The following E2F7 variants were observed in gnomAD, a reference collection of about 807,000 sequenced individuals.
E2F7 encodes E2F transcription factor 7.
Under a neutral mutation model 81.1 loss-of-function variants are expected in E2F7, and 35 were observed. The ratio of observed to expected loss-of-function variants is 0.43; its 90% CI spans 0.33 to 0.57. The LOEUF (loss-of-function observed/expected upper bound fraction) is 0.57, where lower values mean the gene tolerates loss of function less well. Among genes scored for constraint, E2F7 ranks in the 20% least tolerant of loss-of-function variants. E2F7 has a pLI of 0.04. For synonymous variants in E2F7, 416 were observed against 416.2 expected (o/e 1.00, Z 0.01); for missense variants, 961 against 1,093.7 (o/e 0.88, Z 1.71).
At chr12:77,034,512 A>G (rs182282661) in intron 7 of E2F7, among the ~76,000 whole-genome samples, 32 of 152,310 alleles carry the variant, frequency 2.1e-4, no homozygotes, top group Admixed American at 2.0e-3. Flanking sequence ...GTGATGCTTT[A>G]TTATTTCTTT....
chr12:77,049,767 GAAAC>G (rs1021916475), intron 4 of E2F7, among the ~76,000 whole-genome samples: 1 of 152,158 alleles, frequency 6.6e-6, no homozygotes, highest in African/African-American at 2.4e-5. Flanking sequence ...ATAGAACTAA[GAAAC>G]AAACTAAAAA....
At chr12:77,032,857 T>C (rs1001123708) in intron 9 of E2F7, among the ~76,000 whole-genome samples, 193 bp downstream of exon 9, 1 of 152,214 alleles carries the variant, frequency 6.6e-6, no homozygotes, top group Non-Finnish European at 1.5e-5. Context: ...GCTTACAGGA[T>C]ACATTTTTCA....
At chr12:77,044,394 G>C (rs1314387657) in intron 6 of E2F7, 1 of 580,976 alleles carries the variant, frequency 1.7e-6, no homozygotes, top group Non-Finnish European at 3.1e-6. Flanking sequence ...GGAGTTCTCA[G>C]GATAGTGTTC....
At chr12:77,028,764 C>T (rs555956267) in intron 10 of E2F7, among the ~76,000 whole-genome samples, 1 of 152,290 alleles carries the variant, frequency 6.6e-6, no homozygotes, top group South Asian at 2.1e-4. Flanking sequence ...TAAGCCACCG[C>T]GCCCGGCTGG....
At chr12:77,063,316 G>A (rs991062434) in intron 2 of E2F7, among the ~76,000 whole-genome samples, 4 of 152,240 alleles carry the variant, frequency 2.6e-5, no homozygotes, top group East Asian at 1.9e-4. Flanking sequence ...AAAGAAAATC[G>A]TACGCCAAGG....
Position 77,064,652 on chromosome 12 carries a change from C to A in E2F7, c.1-17G>T. On this transcript the variant is annotated splice_polypyrimidine_tract_variant and intron_variant, in intron 1 of 12. Coordinates refer to ENST00000322886, the MANE Select transcript of E2F7 (RefSeq NM_203394.3). ...TACCTCCATCTGTAATGCACAATTACACTAGAAAATGATTTTGCAATTAGG... is the reference window on the plus strand; with the variant it reads ...TACCTCCATCTGTAATGCACAATTAAACTAGAAAATGATTTTGCAATTAGG... The A allele has an allele frequency of 6.2e-7, 1 of 1,604,312 alleles. No homozygotes were observed. Among genetic ancestry groups the A allele is most frequent in the Non-Finnish European group, 8.5e-7 (1 of 1,174,502 alleles).
chr12:77,065,091 C>A (rs2120774399), intron 1 of E2F7, among the ~76,000 whole-genome samples: 1 of 152,310 alleles, frequency 6.6e-6, no homozygotes, highest in East Asian at 1.9e-4. Flanking sequence ...CCTTCCCAGG[C>A]CTCCAAGCAG....
At chr12:77,052,224 G>A (rs1289031638) in intron 3 of E2F7, among the ~76,000 whole-genome samples, 35 of 152,114 alleles carry the variant, frequency 2.3e-4, no homozygotes, top group Admixed American at 2.2e-3. Flanking sequence ...TAGATTAAAT[G>A]CAATCTCAAT....
At chr12:77,062,767 T>C (rs1955088136) in intron 2 of E2F7, among the ~76,000 whole-genome samples, 1 of 152,122 alleles carries the variant, frequency 6.6e-6, no homozygotes, top group African/African-American at 2.4e-5. Flanking sequence ...TGTGTATTTT[T>C]TCAAGGCTGA....
rs754380581 is a variant in E2F7, at chr12:77,022,977, A to G, written c.*1038T>C. On this transcript the variant is annotated 3_prime_UTR_variant, in exon 13 of 13. Coordinates refer to ENST00000322886, the MANE Select transcript of E2F7 (RefSeq NM_203394.3). ...TCTGGACATGAAGTAGAAGAAAAAC[A>G]AAAGAATCATCTCTTGCCCTGTATC... 3 of 152,214 alleles carry G rather than the reference A, an allele frequency of 2.0e-5. No individual in the cohort carries two copies. Among genetic ancestry groups the G allele is most frequent in the African/African-American group, 4.8e-5 (2 of 41,458 alleles). 9.4% of individuals were successfully genotyped at this position (152,214 alleles called of 1,614,324 possible). A position where few individuals can be genotyped will look rare whatever the true frequency, so the allele number is the denominator to read the frequency against.
At chr12:77,047,336 G>A (rs935091931) in intron 4 of E2F7, among the ~76,000 whole-genome samples, 26 of 152,152 alleles carry the variant, frequency 1.7e-4, no homozygotes, top group African/African-American at 6.0e-4. Context: ...AACTGTAACT[G>A]TAGAGTCCCC....
In E2F7 at chr12:77,055,840, G is replaced by A. The variant is rs773765236; in HGVS notation, c.369+15C>T. 2 of 1,576,302 alleles carry A rather than the reference G, an allele frequency of 1.3e-6. No homozygotes were observed. Among genetic ancestry groups the A allele is most frequent in the Admixed American group, 3.9e-5 (2 of 51,830 alleles). Reference sequence around the variant, plus strand: ...TTAAGTTCTAAAAAATCCCTGAGGAGCACAGTCTGTTTACCTGTAGAGAAT... The same window carrying A: ...TTAAGTTCTAAAAAATCCCTGAGGAACACAGTCTGTTTACCTGTAGAGAAT... On this transcript the variant is annotated intron_variant, in intron 3 of 12. Coordinates refer to ENST00000322886, the MANE Select transcript of E2F7 (RefSeq NM_203394.3).
chr12:77,064,524 G>A lies in E2F7; in HGVS notation c.93+19C>T, dbSNP rs772025609. The stretch of plus-strand genomic sequence containing the variant: ...CCATCCTTAACATATTAGAAACTAA[G>A]GTGTTTATGTTTGCTTACCTTTTGT... On this transcript the variant is annotated intron_variant, in intron 2 of 12. Transcript: ENST00000322886. 17 of 1,600,914 alleles carry A rather than the reference G, an allele frequency of 1.1e-5. No individual in the cohort carries two copies. The highest frequency in any genetic ancestry group is 1.7e-5 in the Admixed American group (1 of 59,854).
chr12:77,059,774 C>T (rs968655641), intron 2 of E2F7, among the ~76,000 whole-genome samples: 16 of 151,970 alleles, frequency 1.1e-4, no homozygotes, highest in Admixed American at 2.0e-4. Context: ...CTGGCTAACA[C>T]GGTGAAACTT....
At chr12:77,026,035 C>G in intron 11 of E2F7, 53 bp from the exon 12 acceptor site, 1 of 1,509,576 alleles carries the variant, frequency 6.6e-7, no homozygotes, top group East Asian at 2.3e-5. Flanking sequence ...ATGAGGATAT[C>G]ATTCAAGCTC....
At chr12:77,029,029 G>C (rs1387113377) in intron 10 of E2F7, among the ~76,000 whole-genome samples, 1 of 152,150 alleles carries the variant, frequency 6.6e-6, no homozygotes, top group Admixed American at 6.5e-5. Context: ...ACACATAAAG[G>C]GTGTTGATAC....
chr12:77,056,050 T>C lies in E2F7; in HGVS notation c.174A>G (p.Lys58=). Residue 58 remains lysine, a synonymous_variant, in exon 3 of 13, where the codon AAA becomes AAG. Coordinates refer to ENST00000322886, the MANE Select transcript of E2F7 (RefSeq NM_203394.3). ...KNEPIDLSKQ[K]KFTPERNPIT... ...TGGGATTTCTTTCTGGAGTAAATTTTTTTTGCTTCGATAAATCAATTGGTT... is the reference window on the plus strand; with the variant it reads ...TGGGATTTCTTTCTGGAGTAAATTTCTTTTGCTTCGATAAATCAATTGGTT... The C allele has an allele frequency of 2.5e-6, 4 of 1,614,170 alleles. No homozygotes were observed. The highest frequency in any genetic ancestry group is 3.4e-6 in the Non-Finnish European group (4 of 1,180,016).
chr12:77,026,511 C>T (rs181021695), intron 11 of E2F7, among the ~76,000 whole-genome samples: 27 of 152,006 alleles, frequency 1.8e-4, no homozygotes, highest in Admixed American at 5.2e-4. Flanking sequence ...CTATGTTGCC[C>T]GGCTGGTGTC....
chr12:77,042,377 C>T (rs1254436762), intron 7 of E2F7, among the ~76,000 whole-genome samples: 1 of 152,214 alleles, frequency 6.6e-6, no homozygotes, highest in African/African-American at 2.4e-5. Context: ...ACACCACTAA[C>T]ACCAAAATTG....
Sources: allele counts gnomAD v4.1 joint callset (sites outside exome capture counted in the v4.1 genomes callset), GRCh38; gene constraint gnomAD v4.1.1; transcripts MANE v1.5; gene names NCBI Gene and HGNC (gene_info 2026-07-23, HGNC 2026-07-21).